SNAP91: variants seen among roughly 807,000 people sequenced by gnomAD.
The protein encoded by SNAP91 is clathrin coat assembly protein AP180.
SNAP91 carries 27 observed loss-of-function variants against 100.3 expected under a neutral mutation model. That is an observed-to-expected ratio of 0.27 (90% CI 0.20 to 0.37). The LOEUF (loss-of-function observed/expected upper bound fraction) is 0.37. Among genes scored for constraint, SNAP91 ranks in the 10% least tolerant of loss-of-function variants. SNAP91 has a pLI of 1.00. For synonymous variants in SNAP91, 404 were observed against 398.6 expected (o/e 1.01, Z -0.16); for missense variants, 986 against 1,123.7 (o/e 0.88, Z 1.75).
chr6:83,569,642 G>C (rs2128003711), intron 26 of SNAP91, among the ~76,000 whole-genome samples: 1 of 152,280 alleles, frequency 6.6e-6, no homozygotes, highest in Non-Finnish European at 1.5e-5. Flanking sequence ...TGGTTTGGCT[G>C]TCTTCCTACC....
At chr6:83,675,768 T>G (rs2098859325) in intron 2 of SNAP91, among the ~76,000 whole-genome samples, 1 of 150,846 alleles carries the variant, frequency 6.6e-6, no homozygotes, top group African/African-American at 2.4e-5. Context: ...TGACAGCTGT[T>G]TTACTAAACT....
At chr6:83,654,553 G>A (rs2098335867) in intron 7 of SNAP91, among the ~76,000 whole-genome samples, 1 of 152,110 alleles carries the variant, frequency 6.6e-6, no homozygotes, top group Non-Finnish European at 1.5e-5. Flanking sequence ...TGGGGATTAA[G>A]TTACAAAAGG....
At chr6:83,560,596 G>A (rs1169809811) in intron 27 of SNAP91, among the ~76,000 whole-genome samples, 22 of 152,114 alleles carry the variant, frequency 1.4e-4, no homozygotes, top group Admixed American at 1.3e-3. Flanking sequence ...TGATGATTGG[G>A]CTAATACTAT....
At chr6:83,668,431 G>A (rs1231558134) in intron 2 of SNAP91, among the ~76,000 whole-genome samples, 3 of 151,964 alleles carry the variant, frequency 2.0e-5, no homozygotes, top group Non-Finnish European at 4.4e-5. Flanking sequence ...GAACCAACCC[G>A]AATGTCCATC....
intron 7 of SNAP91, among the ~76,000 whole-genome samples, chr6:83,653,918 G>T (rs2128672660): frequency 6.6e-6 from 1 of 152,242 alleles, no homozygotes; most frequent in African/African-American, 2.4e-5. Flanking sequence ...GTTAGGCTCT[G>T]ATAAAATCTC....
intron 16 of SNAP91, among the ~76,000 whole-genome samples, chr6:83,597,133 T>C (rs2094561977): frequency 6.6e-6 from 1 of 152,198 alleles, no homozygotes; most frequent in African/African-American, 2.4e-5. Context: ...TTAACTCATC[T>C]ACACCTGTCA....
At chr6:83,566,756 C>T (rs573103572) in intron 26 of SNAP91, among the ~76,000 whole-genome samples, 116 of 152,100 alleles carry the variant, frequency 7.6e-4, no homozygotes, top group Non-Finnish European at 1.1e-3. Context: ...AGAGACTTTA[C>T]CAATCAGAAA....
intron 2 of SNAP91, among the ~76,000 whole-genome samples, chr6:83,671,272 A>AT (rs530694872): frequency 6.9e-4 from 105 of 152,122 alleles, no homozygotes; most frequent in Middle Eastern, 3.4e-3. Context: ...AGATATGGGG[A>AT]TATTTATTTT....
intron 9 of SNAP91, among the ~76,000 whole-genome samples, chr6:83,621,809 T>C (rs991135930): frequency 6.6e-6 from 1 of 152,100 alleles, no homozygotes; most frequent in African/African-American, 2.4e-5. Context: ...AGTAAGGGTG[T>C]CCATAGATGT....
intron 24 of SNAP91, 105 bp downstream of exon 24, chr6:83,580,345 G>T: frequency 8.3e-7 from 1 of 1,197,650 alleles, no homozygotes; most frequent in Non-Finnish European, 1.2e-6. Context: ...CCATAAGAGA[G>T]TCCAGAAACA....
intron 26 of SNAP91, among the ~76,000 whole-genome samples, chr6:83,570,266 A>G (rs1379281192): frequency 6.6e-6 from 1 of 152,180 alleles, no homozygotes; most frequent in Non-Finnish European, 1.5e-5. Context: ...TATCTGGTGG[A>G]ATAAATTTCT....
chr6:83,631,733 G>A (rs2097211484), intron 8 of SNAP91, among the ~76,000 whole-genome samples: 1 of 151,916 alleles, frequency 6.6e-6, no homozygotes, highest in Admixed American at 6.6e-5. Context: ...GTCTTTATGT[G>A]TTAGGTGAGT....
chr6:83,560,085 G>C lies in SNAP91; in HGVS notation c.2631+19C>G. ...TTATTAGTTAATGTCACTGATTTGT[G>C]GACATTGAAGAAACTGACCTGCGTG... On this transcript the variant is annotated intron_variant, in intron 28 of 29. Transcript: ENST00000369694. 6.3e-7 allele frequency: 1 copy of C among 1,577,000 alleles called. No homozygotes were observed. The highest frequency in any genetic ancestry group is 8.7e-7 in the Non-Finnish European group (1 of 1,146,216).
chr6:83,556,128 C>G lies in SNAP91; in HGVS notation c.*10+15G>C. On this transcript the variant is annotated intron_variant, in intron 29 of 29. Transcript: ENST00000369694. ...CATTATTACAAGCCTACAGGAAAAG[C>G]TCAATATTAGATACCTTAAATTGTT... 2 of 1,406,424 alleles carry G rather than the reference C, an allele frequency of 1.4e-6. No homozygotes were observed. The highest frequency in any genetic ancestry group is 2.0e-6 in the Non-Finnish European group (2 of 1,015,126). The allele number at this position is 1,406,424 out of a possible 1,614,324, so 87.1% of individuals were successfully genotyped here.
intron 5 of SNAP91, among the ~76,000 whole-genome samples, chr6:83,660,522 T>C (rs1377475207): frequency 6.6e-6 from 1 of 151,734 alleles, no homozygotes; most frequent in Non-Finnish European, 1.5e-5. Flanking sequence ...ATATAAGATA[T>C]GCACAAATGT....
intron 26 of SNAP91, among the ~76,000 whole-genome samples, chr6:83,562,467 A>G (rs1789457529): frequency 6.6e-6 from 1 of 152,212 alleles, no homozygotes; most frequent in Non-Finnish European, 1.5e-5. Context: ...ATGTTATCTC[A>G]GCATCTATTT....
chr6:83,592,421 A>G (rs756356489), intron 21 of SNAP91, 34 bp downstream of exon 21: 93 of 1,389,780 alleles, frequency 6.7e-5, no homozygotes, highest in Non-Finnish European at 8.8e-5. Flanking sequence ...AGAAAAAAAG[A>G]TTCCTTAAGT....
intron 19 of SNAP91, 70 bp from the exon 20 acceptor site, chr6:83,593,087 T>C: frequency 6.6e-7 from 1 of 1,524,470 alleles, no homozygotes; most frequent in Non-Finnish European, 8.9e-7. Flanking sequence ...AAGTCAAAAA[T>C]CTAACAAATG....
chr6:83,702,900 T>C (rs549292955), intron 2 of SNAP91, among the ~76,000 whole-genome samples: 96 of 152,324 alleles, frequency 6.3e-4, no homozygotes, highest in African/African-American at 2.2e-3. Flanking sequence ...TAAGACTGTT[T>C]GTCACTCTGC....
Sources: gnomAD v4.1 joint callset for allele counts (sites outside exome capture counted in the v4.1 genomes callset) on GRCh38, gnomAD v4.1.1 for gene constraint, MANE v1.5 for transcripts, NCBI Gene and HGNC (gene_info 2026-07-23, HGNC 2026-07-21) for gene names.